The following MGAT4C variants were observed in gnomAD, a reference collection of about 807,000 sequenced individuals.
MGAT4C encodes MGAT4 family member C, also known as alpha-1,3-mannosyl-glycoprotein 4-beta-N-acetylglucosaminyltransferase C.
In MGAT4C, 19 loss-of-function variants were observed where a neutral mutation model predicts 40.1. That is an observed-to-expected ratio of 0.47 (90% confidence interval 0.33 to 0.70). The LOEUF (loss-of-function observed/expected upper bound fraction) is 0.70, where lower values mean the gene tolerates loss of function less well. Among genes scored for constraint, MGAT4C ranks in the 30% least tolerant of loss-of-function variants. The pLI, the probability that MGAT4C is intolerant of heterozygous loss-of-function variation, is 0.02. For synonymous variants in MGAT4C, 181 were observed against 187.1 expected, an observed-to-expected ratio of 0.97 and a Z score of 0.27; for missense variants, 491 against 563.2, an observed-to-expected ratio of 0.87 and a Z score of 1.30.
rs200218791 is a variant in MGAT4C, at chr12:86,395,072, A to AT, written c.-120+40084_-120+40085insA. Among the ~76,000 whole-genome samples the AT allele has an allele frequency of 6.2e-3, 943 of 152,280 alleles. 7 individuals are homozygous for AT. The highest frequency in any genetic ancestry group is 0.022 in the African/African-American group (898 of 41,546). The stretch of plus-strand genomic sequence containing the variant: ...GCTTTAGGAAAAAAAGCATAAAAAA[A>AT]ATGGTCTTGAATGATAAGTAGGGAC... On this transcript the variant is annotated intron_variant, in intron 3 of 7. Coordinates refer to the MGAT4C transcript ENST00000548651.
At chr12:86,829,388 CT>C (rs1207259480) in intron 1 of MGAT4C, among the ~76,000 whole-genome samples, 3 of 151,492 alleles carry the variant, frequency 2.0e-5, no homozygotes, top group African/African-American at 7.3e-5. Context: ...CTTTGTCATC[CT>C]ATAAATATTC....
intron 2 of MGAT4C, among the ~76,000 whole-genome samples, chr12:86,572,531 T>C (rs1960406106): frequency 6.6e-6 from 1 of 152,166 alleles, no homozygotes; most frequent in African/African-American, 2.4e-5. Context: ...CCTATCTTTG[T>C]ATCTGCATCA....
chr12:86,631,764 T>C (rs889292082), intron 2 of MGAT4C, among the ~76,000 whole-genome samples: 9 of 152,050 alleles, frequency 5.9e-5, no homozygotes, highest in Non-Finnish European at 1.3e-4. Flanking sequence ...TCAAGATGGA[T>C]TAAAGACTTA....
chr12:85,999,583 GTATA>G (rs67914292), intron 2 of MGAT4C, among the ~76,000 whole-genome samples: 4,022 of 122,818 alleles, frequency 0.033, 121 homozygotes, highest in African/African-American at 0.086. Flanking sequence ...GTGTGTGTGT[GTATA>G]TATATATATA....
chr12:86,369,591 G>A (rs767898413), intron 3 of MGAT4C, among the ~76,000 whole-genome samples: 1 of 151,940 alleles, frequency 6.6e-6, no homozygotes, highest in Non-Finnish European at 1.5e-5. Context: ...TCAATCACAT[G>A]CAGTAATTCT....
intron 1 of MGAT4C, among the ~76,000 whole-genome samples, chr12:86,250,344 AG>A (rs1952222479): frequency 2.8e-5 from 4 of 143,420 alleles, no homozygotes; most frequent in Non-Finnish European, 5.9e-5. Flanking sequence ...AGAGAGAGAG[AG>A]AGAGAGAGAG....
At chr12:86,212,724 T>A (rs867845261) in intron 1 of MGAT4C, among the ~76,000 whole-genome samples, 11 of 107,872 alleles carry the variant, frequency 1.0e-4, no homozygotes, top group Non-Finnish European at 1.1e-4. Flanking sequence ...CCGTCTCTAC[T>A]AAAAAAAAAA....
intron 3 of MGAT4C, among the ~76,000 whole-genome samples, chr12:86,386,957 G>A (rs1956063773): frequency 6.6e-6 from 1 of 152,172 alleles, no homozygotes; most frequent in South Asian, 2.1e-4. Context: ...TCTCTCAGAA[G>A]TCTAAGCTAC....
chr12:86,416,385 A>G (rs775360082), intron 3 of MGAT4C, among the ~76,000 whole-genome samples: 1 of 152,106 alleles, frequency 6.6e-6, no homozygotes, highest in Non-Finnish European at 1.5e-5. Context: ...AAGGACTTTT[A>G]GAGAGAATGC....
chr12:86,591,700 T>C lies in MGAT4C; in HGVS notation c.-229+135509A>G, dbSNP rs373261273. Among the ~76,000 whole-genome samples the C allele has an allele frequency of 4.0e-5, 6 of 151,646 alleles. No homozygotes were observed. In the South Asian group the frequency reaches 1.2e-3, roughly 32 times the overall value. ...CTTTAGTTCAATACATTTTAAGCAA[T>C]AGATATACAAATGTTCCAGAATTTA... On this transcript the variant is annotated intron_variant, in intron 2 of 7. Coordinates refer to the MGAT4C transcript ENST00000548651.
intron 2 of MGAT4C, among the ~76,000 whole-genome samples, chr12:86,661,718 G>T (rs12368447): frequency 0.31 from 47,048 of 151,910 alleles, 9,023 homozygotes; most frequent in Admixed American, 0.45. Context: ...GGCTGAGGTT[G>T]GTGGATCACT....
chr12:86,204,931 A>T, intron 1 of MGAT4C, among the ~76,000 whole-genome samples: 1 of 152,234 alleles, frequency 6.6e-6, no homozygotes, highest in East Asian at 1.9e-4. Context: ...TTTTAAAAAT[A>T]GTTGTTACAT....
At chr12:86,211,677 G>C (rs1485016443) in intron 1 of MGAT4C, among the ~76,000 whole-genome samples, 2 of 152,082 alleles carry the variant, frequency 1.3e-5, no homozygotes, top group African/African-American at 4.8e-5. Flanking sequence ...GTCTTAAGTT[G>C]GTTGTCTCTG....
chr12:86,786,271 G>T (rs1160385373), intron 1 of MGAT4C, among the ~76,000 whole-genome samples: 1 of 151,964 alleles, frequency 6.6e-6, no homozygotes, highest in East Asian at 1.9e-4. Context: ...TGTATCTGTA[G>T]GTTTCTAACA....
intron 3 of MGAT4C, among the ~76,000 whole-genome samples, chr12:86,405,497 A>T (rs1254917902): frequency 6.6e-6 from 1 of 152,028 alleles, no homozygotes; most frequent in Non-Finnish European, 1.5e-5. Context: ...CTAAAAAATG[A>T]AGGAGCACAT....
chr12:86,252,693 G>A (rs1212960880), intron 1 of MGAT4C, among the ~76,000 whole-genome samples: 1 of 150,066 alleles, frequency 6.7e-6, no homozygotes, highest in Non-Finnish European at 1.5e-5. Context: ...GAGATATTAA[G>A]TTTTTAATTA....
chr12:86,267,694 T>C (rs1952822393), intron 4 of MGAT4C, among the ~76,000 whole-genome samples: 1 of 152,100 alleles, frequency 6.6e-6, no homozygotes, highest in Non-Finnish European at 1.5e-5. Flanking sequence ...CTGAAGTCAG[T>C]ACAAGCTAGT....
At chr12:86,034,714 T>A (rs1305344671) in intron 2 of MGAT4C, among the ~76,000 whole-genome samples, 1 of 149,430 alleles carries the variant, frequency 6.7e-6, no homozygotes, top group Non-Finnish European at 1.5e-5. Context: ...TTTCTCCTAA[T>A]GCTATCCCTA....
At chr12:86,514,947 C>A (rs928531863) in intron 2 of MGAT4C, among the ~76,000 whole-genome samples, 3 of 151,916 alleles carry the variant, frequency 2.0e-5, no homozygotes, top group Non-Finnish European at 4.4e-5. Context: ...AATTATTTTG[C>A]AAATATGAAG....
Sources: gnomAD v4.1 joint callset for allele counts (sites outside exome capture counted in the v4.1 genomes callset) on GRCh38, gnomAD v4.1.1 for gene constraint, MANE v1.5 for transcripts, NCBI Gene and HGNC (gene_info 2026-07-23, HGNC 2026-07-21) for gene names.